The following ADAM19 variants were observed in gnomAD, a reference collection of about 807,000 sequenced individuals.
ADAM19 encodes the protein disintegrin and metalloproteinase domain-containing protein 19.
Under a neutral mutation model 114.7 loss-of-function variants are expected in ADAM19, and 65 were observed. That is an observed-to-expected ratio of 0.57 (90% CI 0.46 to 0.70). The LOEUF (loss-of-function observed/expected upper bound fraction) is 0.70. Ranked by LOEUF, ADAM19 falls within the 30% of genes least tolerant of loss-of-function variation. The probability of loss-of-function intolerance (pLI) is 0.00; values close to 1 mark genes in which losing one functional copy is unlikely to be tolerated. For synonymous variants in ADAM19, 466 were observed against 460.5 expected (o/e 1.01, Z -0.15); for missense variants, 1,063 against 1,204.7 (o/e 0.88, Z 1.74).
intron 4 of ADAM19, among the ~76,000 whole-genome samples, chr5:157,533,974 AG>A (rs1756693852): frequency 6.6e-6 from 1 of 152,140 alleles, no homozygotes; most frequent in Non-Finnish European, 1.5e-5. Flanking sequence ...CTCCAAAAAA[AG>A]AAAAAAGAAA....
chr5:157,558,483 C>A (rs1398837816), intron 3 of ADAM19, among the ~76,000 whole-genome samples: 1 of 152,178 alleles, frequency 6.6e-6, no homozygotes, highest in Non-Finnish European at 1.5e-5. Context: ...GTCTATGACT[C>A]ATTTAAATGC....
chr5:157,523,261 G>A (rs1756354644), intron 5 of ADAM19, among the ~76,000 whole-genome samples: 1 of 152,202 alleles, frequency 6.6e-6, no homozygotes, highest in South Asian at 2.1e-4. Context: ...TCTAGGAGCA[G>A]AGGTCTCAGG....
At chr5:157,500,026 G>A (rs894213826) in intron 12 of ADAM19, among the ~76,000 whole-genome samples, 4 of 151,912 alleles carry the variant, frequency 2.6e-5, no homozygotes, top group Non-Finnish European at 5.9e-5. Context: ...TGATCCACCT[G>A]CCTCGGCCTC....
At chr5:157,575,387 T>C (rs1389610589) in intron 1 of ADAM19, among the ~76,000 whole-genome samples, 1 of 152,226 alleles carries the variant, frequency 6.6e-6, no homozygotes, top group East Asian at 1.9e-4. Flanking sequence ...GGACCGGCTG[T>C]TTTCTGGCTG....
chr5:157,510,791 A>G (rs141782749), intron 8 of ADAM19, among the ~76,000 whole-genome samples: 18 of 152,382 alleles, frequency 1.2e-4, no homozygotes, highest in African/African-American at 4.1e-4. Context: ...ATATTAATAC[A>G]TGGATATTTT....
At chr5:157,565,346 G>A (rs552653134) in intron 2 of ADAM19, among the ~76,000 whole-genome samples, 7 of 152,112 alleles carry the variant, frequency 4.6e-5, no homozygotes, top group African/African-American at 1.4e-4. Context: ...CTGGGCACTC[G>A]CAATCCCTAC....
chr5:157,502,374 T>A (rs1755592648), intron 12 of ADAM19, among the ~76,000 whole-genome samples: 1 of 152,130 alleles, frequency 6.6e-6, no homozygotes, highest in South Asian at 2.1e-4. Context: ...CTTTCCATCA[T>A]CTCTCCTCCA....
chr5:157,488,495 C>A lies in ADAM19; in HGVS notation c.2326-6G>T. On this transcript the variant is annotated splice_region_variant and splice_polypyrimidine_tract_variant and intron_variant, in intron 20 of 22. Coordinates refer to ENST00000257527, the MANE Select transcript of ADAM19 (RefSeq NM_033274.5). The stretch of plus-strand genomic sequence containing the variant: ...ATTTCCGGAGTGTTGATCACCTGTA[C>A]GCACAAGTCAAGGAACACCTGAGAC... 1 of 1,578,168 alleles carries A rather than the reference C, an allele frequency of 6.3e-7. No homozygotes were observed. The highest frequency in any genetic ancestry group is 8.6e-7 in the Non-Finnish European group (1 of 1,159,988).
intron 13 of ADAM19, among the ~76,000 whole-genome samples, chr5:157,497,556 G>A (rs1167144044): frequency 7.5e-6 from 1 of 133,144 alleles, no homozygotes; most frequent in Non-Finnish European, 1.6e-5. Context: ...TGGCAGAGGA[G>A]CCAGGCCCAC....
chr5:157,505,223 T>C (rs1755703595), intron 11 of ADAM19, among the ~76,000 whole-genome samples: 1 of 151,794 alleles, frequency 6.6e-6, no homozygotes, highest in East Asian at 1.9e-4. Context: ...GAGAAGTCAC[T>C]GTGGGGTGTG....
intron 2 of ADAM19, among the ~76,000 whole-genome samples, chr5:157,567,095 C>T (rs1338453272): frequency 6.6e-6 from 1 of 152,168 alleles, no homozygotes; most frequent in Non-Finnish European, 1.5e-5. Flanking sequence ...CCTGTTCTGC[C>T]ACCTCTGGTT....
intron 8 of ADAM19, among the ~76,000 whole-genome samples, chr5:157,512,334 A>C (rs1436600615): frequency 6.6e-6 from 1 of 152,244 alleles, no homozygotes; most frequent in Non-Finnish European, 1.5e-5. Context: ...AACATATTTT[A>C]AGTGATCTCC....
At chr5:157,539,153 C>CA (rs11336664) in intron 3 of ADAM19, among the ~76,000 whole-genome samples, 1,023 of 91,782 alleles carry the variant, frequency 0.011, 6 homozygotes, top group Middle Eastern at 0.024. Context: ...GACTCTGTCT[C>CA]AAAAAAAAAA....
chr5:157,497,979 G>C (rs954104051), intron 13 of ADAM19, among the ~76,000 whole-genome samples: 3 of 152,216 alleles, frequency 2.0e-5, no homozygotes, highest in Non-Finnish European at 4.4e-5. Flanking sequence ...CTTGTGTGGA[G>C]TGAAGGGGTC....
chr5:157,540,004 G>A (rs929772866), intron 3 of ADAM19, among the ~76,000 whole-genome samples: 3 of 152,206 alleles, frequency 2.0e-5, no homozygotes, highest in African/African-American at 4.8e-5. Context: ...CTCTACGGCC[G>A]TGAACAAGTA....
chr5:157,486,073 G>T (rs542985260), intron 21 of ADAM19, among the ~76,000 whole-genome samples: 2 of 152,342 alleles, frequency 1.3e-5, no homozygotes, highest in African/African-American at 4.8e-5. Flanking sequence ...GGGGGTCCAT[G>T]TCCCCCAGCT....
chr5:157,519,877 G>A lies in ADAM19; in HGVS notation c.562C>T (p.Leu188Phe), dbSNP rs1756224886. The A allele has an allele frequency of 6.2e-7, 1 of 1,614,042 alleles. No individual in the cohort carries two copies. The highest frequency in any genetic ancestry group is 8.5e-7 in the Non-Finnish European group (1 of 1,179,968). Reference sequence around the variant, plus strand: ...TTCTTGGTCTGTTGTGTAAACTGAAGAGCCCAGTCCCTGGTGGTGGGCTTG... The same window carrying A: ...TTCTTGGTCTGTTGTGTAAACTGAAAAGCCCAGTCCCTGGTGGTGGGCTTG... ...HSKPTTRDWA[L>F]QFTQQTKKRP... Residue 188 changes from leucine to phenylalanine, a missense_variant, in exon 6 of 23, where the codon CTT becomes TTT. Leu to Phe is a conservative substitution (Grantham distance 22, BLOSUM62 0). This residue lies in a region of ADAM19 where 615 missense variants were observed against 706.3 expected (regional missense o/e 0.87). Coordinates refer to ENST00000257527, the MANE Select transcript of ADAM19 (RefSeq NM_033274.5).
In ADAM19 at chr5:157,496,989, T is replaced by C; in HGVS notation, c.1499A>G (p.Gln500Arg). The C allele has an allele frequency of 1.3e-6, 2 of 1,597,994 alleles. No homozygotes were observed. Among genetic ancestry groups the C allele is most frequent in the South Asian group, 1.1e-5 (1 of 88,686 alleles). ...KSPHCPTNFY[Q>R]MDGTPCEGGQ... The stretch of plus-strand genomic sequence containing the variant: ...GCCCTCACAGGGGGTACCATCCATC[T>C]GGTAGAAGTTGGTAGGGCAGTGGGG... Residue 500 changes from glutamine (Q) to arginine (R), a missense_variant, in exon 14 of 23, where the codon CAG becomes CGG. Gln to Arg is a conservative substitution (Grantham distance 43). Coordinates refer to ENST00000257527, the MANE Select transcript of ADAM19 (RefSeq NM_033274.5).
intron 14 of ADAM19, among the ~76,000 whole-genome samples, chr5:157,495,901 T>A (rs1238458202): frequency 6.7e-6 from 1 of 150,166 alleles, no homozygotes; most frequent in Non-Finnish European, 1.5e-5. Flanking sequence ...CCCAAAGTAC[T>A]GGGATTACAG....
Sources: gnomAD v4.1 joint callset for allele counts (sites outside exome capture counted in the v4.1 genomes callset) on GRCh38, gnomAD v4.1.1 for gene constraint, gnomAD v4.1.1 regional missense constraint, MANE v1.5 for transcripts, NCBI Gene and HGNC (gene_info 2026-07-23, HGNC 2026-07-21) for gene names.